The following SBF1 variants were observed in gnomAD, a reference collection of about 807,000 sequenced individuals.
The protein encoded by SBF1 is myotubularin-related protein 5.
In SBF1, 65 loss-of-function variants were observed where a neutral mutation model predicts 215.8. The ratio of observed to expected loss-of-function variants is 0.30; its 90% confidence interval spans 0.25 to 0.37. The LOEUF (loss-of-function observed/expected upper bound fraction) is 0.37. Ranked by LOEUF, SBF1 falls within the 10% of genes least tolerant of loss-of-function variation. The pLI, the probability that SBF1 is intolerant of heterozygous loss-of-function variation, is 1.00. For missense variants in SBF1, 2,634 were observed against 2,667.8 expected, an observed-to-expected ratio of 0.99 and a Z score of 0.28; for synonymous variants, 1,410 against 1,122.8, an observed-to-expected ratio of 1.26 and a Z score of -5.11.
chr22:50,473,195 CCT>C (rs1386210325), intron 1 of SBF1, among the ~76,000 whole-genome samples: 2 of 152,156 alleles, frequency 1.3e-5, no homozygotes, highest in African/African-American at 4.8e-5. Flanking sequence ...CAACCCAAAC[CCT>C]CTCCACACTG....
intron 36 of SBF1, among the ~76,000 whole-genome samples, chr22:50,452,377 G>A (rs1397314507): frequency 6.6e-6 from 1 of 152,054 alleles, no homozygotes; most frequent in Non-Finnish European, 1.5e-5. Flanking sequence ...AAAAATAGAA[G>A]ACTTTTTCCT....
At position 50,462,542 on chromosome 22, in the gene SBF1, AG is replaced by A. The variant is rs1419022176; in HGVS notation, c.2127+16del. On this transcript the variant is annotated intron_variant, in intron 18 of 40. Transcript: ENST00000380817. ...GCCCCTAGCCCCCAGCCCCCAGCCC[AG>A]GGAGTCCCTGCGCACCTGGGCGGGG... 1.9e-6 allele frequency: 3 copies of A among 1,609,470 alleles called. No homozygotes were observed. The highest frequency in any genetic ancestry group is 2.5e-6 in the Non-Finnish European group (3 of 1,178,640).
At position 50,456,219 on chromosome 22, in the gene SBF1, G is replaced by C. The variant is rs757499476; in HGVS notation, c.4263C>G (p.Ile1421Met). Residue 1421 changes from isoleucine to methionine, a missense_variant, in exon 31 of 41, where the codon ATC becomes ATG. Physicochemically the swap from Ile to Met is conservative, Grantham distance 10 (BLOSUM62 1). Coordinates refer to ENST00000380817, the MANE Select transcript of SBF1 (RefSeq NM_002972.4). ...LRSLEDSEWL[I>M]QIHKLLQVSV... ...AGGGACGGGGCAGTGCAGAGACCTG[G>C]ATCAGCCACTCTGAGTCCTCCAGTG... 1 of 1,611,300 alleles carries C rather than the reference G, an allele frequency of 6.2e-7. No homozygotes were observed. The highest frequency in any genetic ancestry group is 8.5e-7 in the Non-Finnish European group (1 of 1,179,760).
At chr22:50,470,601 ACT>A (rs753978701) in intron 1 of SBF1, among the ~76,000 whole-genome samples, 2 of 151,658 alleles carry the variant, frequency 1.3e-5, no homozygotes, top group Non-Finnish European at 2.9e-5. Context: ...CCCCTGGGAA[ACT>A]CTGCCCCAGC....
rs1476986064 is a variant in SBF1 at position 50,475,017 on chromosome 22, C to T, written c.-177G>A. The T allele has an allele frequency of 9.4e-6, 2 of 212,026 alleles. No individual in the cohort carries two copies. Among genetic ancestry groups the T allele is most frequent in the Admixed American group, 6.4e-5 (1 of 15,718 alleles). The allele number at this position is 212,026 out of a possible 1,614,324, so 13.1% of individuals were successfully genotyped here. A position where few individuals can be genotyped will look rare whatever the true frequency, so the allele number is the denominator to read the frequency against. ...GGCCCAGGTTCCCGCCGCCATCTTCCCAGCCAGCCGGCCCGCCCGGGCGCG... is the reference window on the plus strand; with the variant it reads ...GGCCCAGGTTCCCGCCGCCATCTTCTCAGCCAGCCGGCCCGCCCGGGCGCG... On this transcript the variant is annotated 5_prime_UTR_variant, in exon 1 of 41. Coordinates refer to ENST00000380817, the MANE Select transcript of SBF1 (RefSeq NM_002972.4).
At chr22:50,454,357 C>G (rs546245787) in intron 36 of SBF1, among the ~76,000 whole-genome samples, 155 bp downstream of exon 36, 2 of 152,264 alleles carry the variant, frequency 1.3e-5, no homozygotes, top group Non-Finnish European at 2.9e-5. Flanking sequence ...GGCCAGTAGG[C>G]AGTTCACATG....
chr22:50,447,483 C>T (rs755480829), intron 39 of SBF1, 30 bp from the exon 40 acceptor site: 2 of 1,610,720 alleles, frequency 1.2e-6, no homozygotes, highest in South Asian at 1.1e-5. Flanking sequence ...CAGCGGAGCC[C>T]CCTCCCCCGT....
At position 50,463,328 on chromosome 22, in the gene SBF1, G is replaced by C. The variant is rs1472342491; in HGVS notation, c.1854C>G (p.His618Gln). Reference protein sequence around the residue: ...HVQQNRAVLDHQQFDFVVRMM... With the variant: ...HVQQNRAVLDQQQFDFVVRMM... ...TACGGACGACAAAGTCAAACTGCTG[G>C]TGGTCCAGGACCGCACGGTTCTGCT... Residue 618 changes from histidine (H) to glutamine (Q), a missense_variant, in exon 16 of 41, where the codon CAC becomes CAG. Physicochemically the swap from His to Gln is conservative, Grantham distance 24 (BLOSUM62 0). Transcript: ENST00000380817. The C allele has an allele frequency of 6.2e-7, 1 of 1,613,102 alleles. No homozygotes were observed. Among genetic ancestry groups the C allele is most frequent in the South Asian group, 1.1e-5 (1 of 90,880 alleles).
rs145547001 is a variant in SBF1, at chr22:50,450,887, C to T, written c.5044-2237G>A. 2.0e-4 allele frequency among the ~76,000 whole-genome samples: 30 copies of T among 152,236 alleles called. No homozygotes were observed. In the East Asian group the frequency reaches 4.6e-3, roughly 24 times the overall value. ...CTTCGGGAGGCCGAGGAGGGAGAAT[C>T]GCTTGACCCAAGGAGTGTGAGAACA... is the stretch of plus-strand genomic sequence containing the variant. On this transcript the variant is annotated intron_variant, in intron 36 of 40. Transcript: ENST00000380817.
intron 36 of SBF1, among the ~76,000 whole-genome samples, chr22:50,452,723 C>CAAAAAAAAA (rs57951967): frequency 1.3e-4 from 5 of 39,538 alleles, no homozygotes; most frequent in African/African-American, 6.3e-4. Context: ...CTCCATCTCT[C>CAAAAAAAAA]AAAAAAAAAA....
At chr22:50,455,923 G>A (rs879414215) in intron 31 of SBF1, 35 of 559,962 alleles carry the variant, frequency 6.3e-5, no homozygotes, top group African/African-American at 6.0e-4. Flanking sequence ...TGCAGCAGGG[G>A]CCCAGAACCA....
At chr22:50,452,564 C>A (rs1266919689) in intron 36 of SBF1, among the ~76,000 whole-genome samples, 1 of 151,140 alleles carries the variant, frequency 6.6e-6, no homozygotes, top group Non-Finnish European at 1.5e-5. Flanking sequence ...ACTAAAAATA[C>A]AAAAAAAATT....
In SBF1 at chr22:50,462,625, A is replaced by G. The variant is rs367795706; in HGVS notation, c.2061T>C (p.Tyr687=). The G allele has an allele frequency of 5.0e-6, 8 of 1,612,710 alleles. No homozygotes were observed. Among genetic ancestry groups the G allele is most frequent in the Admixed American group, 1.7e-5 (1 of 59,924 alleles). ...STPQFWEAMF[Y]GDVQTHIRAL... ...CCCGGATGTGAGTCTGCACATCCCC[A>G]TAGAACATGGCCTCCCAGAACTGTG... Residue 687 remains tyrosine, a synonymous_variant, in exon 18 of 41, where the codon TAT becomes TAC. Transcript: ENST00000380817.
intron 1 of SBF1, among the ~76,000 whole-genome samples, chr22:50,468,737 A>G (rs1412635673): frequency 6.6e-6 from 1 of 152,098 alleles, no homozygotes; most frequent in Non-Finnish European, 1.5e-5. Flanking sequence ...CACACAGCAC[A>G]GCAGCCCTCC....
rs1167688197 is a variant in SBF1 at position 50,468,341 on chromosome 22, C to A, written c.141+35G>T. Reference sequence around the variant, plus strand: ...GGGCTGTGCCCACCTGCCCTCCCCACCTGCCAGCACCGTCTCAGCACGCCC... The same window carrying A: ...GGGCTGTGCCCACCTGCCCTCCCCAACTGCCAGCACCGTCTCAGCACGCCC... On this transcript the variant is annotated intron_variant, in intron 2 of 40. Transcript: ENST00000380817. The A allele has an allele frequency of 4.4e-6, 7 of 1,599,158 alleles. No homozygotes were observed. The African/African-American group carries it at 6.7e-5, about 15-fold the overall frequency.
Position 50,466,634 on chromosome 22 carries a change from C to T in SBF1, c.626G>A (p.Cys209Tyr), listed in dbSNP as rs1340161326. 3 of 1,552,630 alleles carry T rather than the reference C, an allele frequency of 1.9e-6. No homozygotes were observed. Among genetic ancestry groups the T allele is most frequent in the South Asian group, 2.4e-5 (2 of 84,162 alleles). ...CTGGCGGAAGAGCAGGGCCACGCTG[C>T]AGCGGCTGACGGGCAGCGAGTCGGC... ...PLADSLPVSR[C>Y]SVALLFRQLG... Residue 209 changes from cysteine to tyrosine, a missense_variant, in exon 6 of 41, where the codon TGC becomes TAC. Coordinates refer to ENST00000380817, the MANE Select transcript of SBF1 (RefSeq NM_002972.4).
chr22:50,459,543 C>G lies in SBF1; in HGVS notation c.3615G>C (p.Val1205=). The change falls in exon 27 of 41, where the codon GTG becomes GTC. Residue 1205 remains valine (V), a synonymous_variant. Coordinates refer to ENST00000380817, the MANE Select transcript of SBF1 (RefSeq NM_002972.4). ...CATGCAGGCCTCCAGAGCGCAGCAG[C>G]ACCGCCTTGGACCGCCCGCTGCGCC... ...VCWRSGRSKA[V]LLRSGGLHGK... 6.2e-7 allele frequency: 1 copy of G among 1,610,452 alleles called. No individual in the cohort carries two copies. The highest frequency in any genetic ancestry group is 8.5e-7 in the Non-Finnish European group (1 of 1,179,722).
Position 50,465,293 on chromosome 22 carries a change from GA to G in SBF1, c.1124del (p.Phe375SerfsTer37). The G allele has an allele frequency of 6.2e-7, 1 of 1,606,764 alleles. No homozygotes were observed. Among genetic ancestry groups the G allele is most frequent in the Non-Finnish European group, 8.5e-7 (1 of 1,177,536 alleles). On this transcript the variant is annotated frameshift_variant, in exon 11 of 41. Transcript: ENST00000380817. LOFTEE classifies it high-confidence loss of function. ...KELRAVFLRL[F>X]AQLLQGYRWC... is the part of the protein sequence containing the mutation. ...AGCGATAGCCCTGCAGCAGCTGAGC[GA>G]ACAGCCGCAGGAAGACCGCGCGCAG...
rs1274242219 is a variant in SBF1, at chr22:50,459,603, G to A, written c.3555C>T (p.Arg1185=). 2.5e-6 allele frequency: 4 copies of A among 1,609,982 alleles called. No individual in the cohort carries two copies. The highest frequency in any genetic ancestry group is 1.8e-4 in the Middle Eastern group (1 of 5,616). Residue 1185 remains arginine, a synonymous_variant, in exon 27 of 41, where the codon CGC becomes CGT. Transcript: ENST00000380817. Reference sequence around the variant, plus strand: ...CGGGGAAGCGGTTCTGGCGGTAGCAGCGGGACACGCGCTGCAGGGCGTTGT... The same window carrying A: ...CGGGGAAGCGGTTCTGGCGGTAGCAACGGGACACGCGCTGCAGGGCGTTGT... ...VQDNALQRVS[R]CYRQNRFPVV... is the part of the protein sequence containing the mutation.
Sources: allele counts gnomAD v4.1 joint callset (sites outside exome capture counted in the v4.1 genomes callset), GRCh38; gene constraint gnomAD v4.1.1; transcripts MANE v1.5; gene names NCBI Gene and HGNC (gene_info 2026-07-23, HGNC 2026-07-21).